OR9G1: variants seen among roughly 807,000 people sequenced by gnomAD.
The protein encoded by OR9G1 is olfactory receptor 9G1.
A neutral mutation model predicts 14.5 loss-of-function variants in OR9G1; 21 were observed. The ratio of observed to expected loss-of-function variants is 1.45; its 90% CI spans 1.03 to 2.09. OR9G1 has a LOEUF of 2.09. Among genes scored for constraint, OR9G1 ranks in the 30% most tolerant of loss-of-function variants. The probability of loss-of-function intolerance (pLI) is 0.00; values close to 1 mark genes in which losing one functional copy is unlikely to be tolerated. For synonymous variants in OR9G1, 179 were observed against 153.3 expected (o/e 1.17, Z -1.24); for missense variants, 476 against 364.2 (o/e 1.31, Z -2.50).
intron 1 of OR9G1, 89 bp from the exon 2 acceptor site, chr11:56,700,281 C>T (rs1028490964): frequency 1.3e-6 from 2 of 1,509,998 alleles, no homozygotes; most frequent in Non-Finnish European, 1.8e-6. Context: ...TTCTAGACTT[C>T]ACGAAACACT....
In OR9G1 at chr11:56,700,903, C is replaced by T. The variant is rs1276994075; in HGVS notation, c.516C>T (p.Ile172=). ...TFSFNFCREN[I]IDDFFCDLLP... ...CCTTTAACTTCTGCCGTGAAAACATCATTGATGACTTTTTCTGTGATTTGC... is the reference window on the plus strand; with the variant it reads ...CCTTTAACTTCTGCCGTGAAAACATTATTGATGACTTTTTCTGTGATTTGC... The change falls in exon 2 of 2, where the codon ATC becomes ATT. Residue 172 remains isoleucine, a synonymous_variant. Coordinates refer to ENST00000642097, the MANE Select transcript of OR9G1 (RefSeq NM_001005213.2). 6.2e-7 allele frequency: 1 copy of T among 1,614,150 alleles called. No homozygotes were observed. The highest frequency in any genetic ancestry group is 8.5e-7 in the Non-Finnish European group (1 of 1,180,022).
chr11:56,700,543 C>G lies in OR9G1; in HGVS notation c.156C>G (p.Ser52=). Residue 52 remains serine (S), a synonymous_variant, in exon 2 of 2, where the codon TCC becomes TCG. Transcript: ENST00000642097. Reference sequence around the variant, plus strand: ...TCATCGTGTTGATCTGTAATGACTCCTGCCTCCACACACCCATGTATTTTT... The same window carrying G: ...TCATCGTGTTGATCTGTAATGACTCGTGCCTCCACACACCCATGTATTTTT... ...STLIVLICND[S]CLHTPMYFFT... The G allele has an allele frequency of 1.2e-6, 2 of 1,614,312 alleles. No individual in the cohort carries two copies. Among genetic ancestry groups the G allele is most frequent in the Non-Finnish European group, 1.7e-6 (2 of 1,180,058 alleles).
Position 56,701,223 on chromosome 11 carries a change from T to G in OR9G1, c.836T>G (p.Val279Gly). Residue 279 changes from valine to glycine, a missense_variant, in exon 2 of 2, where the codon GTG becomes GGG. This residue lies in a region of OR9G1 where 352 missense variants were observed against 211.6 expected (regional missense o/e 1.66). Transcript: ENST00000642097. ...MDKIVSTFYT[V>G]VFPMLNLMIY... ...AAAATAGTTTCTACATTTTACACTG[T>G]GGTATTCCCCATGTTGAATCTCATG... The G allele has an allele frequency of 6.2e-7, 1 of 1,605,384 alleles. No homozygotes were observed. Among genetic ancestry groups the G allele is most frequent in the Non-Finnish European group, 8.5e-7 (1 of 1,175,274 alleles).
chr11:56,700,568 T>C lies in OR9G1; in HGVS notation c.181T>C (p.Phe61Leu). Residue 61 changes from phenylalanine to leucine, a missense_variant, in exon 2 of 2, where the codon TTC becomes CTC. This residue lies in a region of OR9G1 where 89 missense variants were observed against 85.1 expected (regional missense o/e 1.05). Coordinates refer to ENST00000642097, the MANE Select transcript of OR9G1 (RefSeq NM_001005213.2). Reference protein sequence around the residue: ...DSCLHTPMYFFTGNLSFLDLW... With the variant: ...DSCLHTPMYFLTGNLSFLDLW... The stretch of plus-strand genomic sequence containing the variant: ...CTGCCTCCACACACCCATGTATTTT[T>C]TCACTGGAAATCTGTCGTTTCTGGA... The C allele has an allele frequency of 6.2e-7, 1 of 1,614,240 alleles. No individual in the cohort carries two copies. The highest frequency in any genetic ancestry group is 8.5e-7 in the Non-Finnish European group (1 of 1,180,044).
chr11:56,701,036 T>C lies in OR9G1; in HGVS notation c.649T>C (p.Tyr217His). 2 of 1,614,284 alleles carry C rather than the reference T, an allele frequency of 1.2e-6. No individual in the cohort carries two copies. The highest frequency in any genetic ancestry group is 1.7e-6 in the Non-Finnish European group (2 of 1,180,026). The change falls in exon 2 of 2, where the codon TAC becomes CAC. Residue 217 changes from tyrosine to histidine, a missense_variant. By Grantham distance (83) the Tyr-to-His change is moderately conservative. Coordinates refer to ENST00000642097, the MANE Select transcript of OR9G1 (RefSeq NM_001005213.2). ...ICPAVLILAS[Y>H]LFIITSVLRI... ...CCCCGCAGTGCTCATCCTGGCCTCC[T>C]ACCTCTTTATCATCACCAGTGTCTT...
chr11:56,701,500 T>G lies in OR9G1; in HGVS notation c.*195T>G, dbSNP rs940688270. 14 of 809,450 alleles carry G rather than the reference T, an allele frequency of 1.7e-5. No homozygotes were observed. Among genetic ancestry groups the G allele is most frequent in the Non-Finnish European group, 2.5e-5 (14 of 552,304 alleles). 50.1% of individuals were successfully genotyped at this position (809,450 alleles called of 1,614,324 possible). A position where few individuals can be genotyped will look rare whatever the true frequency, so the allele number is the denominator to read the frequency against. On this transcript the variant is annotated 3_prime_UTR_variant, in exon 2 of 2. Transcript: ENST00000642097. ...GAATATATAAGAATTTGAATTGAAT[T>G]TCCTATCTCTCTTATTAAAAACAAA...
Position 56,700,879 on chromosome 11 carries a change from C to T in OR9G1, c.492C>T (p.Ser164=). Residue 164 remains serine, a synonymous_variant, in exon 2 of 2, where the codon TCC becomes TCT. Coordinates refer to ENST00000642097, the MANE Select transcript of OR9G1 (RefSeq NM_001005213.2). ...CAATCATCACCAAGAAAACGTTTTC[C>T]TTTAACTTCTGCCGTGAAAACATCA... is the stretch of plus-strand genomic sequence containing the variant. ...NSSIITKKTF[S]FNFCRENIID... The T allele has an allele frequency of 3.1e-6, 5 of 1,614,262 alleles. No homozygotes were observed. The South Asian group carries it at 4.4e-5, about 14-fold the overall frequency.
rs1181807544 is a variant in OR9G1 at position 56,700,859 on chromosome 11, A to G, written c.472A>G (p.Ile158Val). 10 of 1,614,128 alleles carry G rather than the reference A, an allele frequency of 6.2e-6. No homozygotes were observed. Among genetic ancestry groups the G allele is most frequent in the Non-Finnish European group, 8.5e-6 (10 of 1,180,004 alleles). Residue 158 changes from isoleucine to valine, a missense_variant, in exon 2 of 2, where the codon ATC (isoleucine) becomes GTC (valine). By Grantham distance (29) the Ile-to-Val change is conservative (BLOSUM62 3). This residue lies in a region of OR9G1 where 352 missense variants were observed against 211.6 expected (regional missense o/e 1.66). Transcript: ENST00000642097. Reference sequence around the variant, plus strand: ...TGGTGGCTTTATTAACTCTTCAATCATCACCAAGAAAACGTTTTCCTTTAA... The same window carrying G: ...TGGTGGCTTTATTAACTCTTCAATCGTCACCAAGAAAACGTTTTCCTTTAA... The part of the protein sequence containing the change: ...YCGGFINSSI[I>V]TKKTFSFNFC...
Position 56,700,949 on chromosome 11 carries a change from T to C in OR9G1, c.562T>C (p.Cys188Arg), listed in dbSNP as rs756049217. ...CDLLPLVELA[C>R]GEKGGYKIMM... ...TTTGCTTCCCTTGGTGGAGCTGGCC[T>C]GTGGCGAGAAGGGCGGCTATAAAAT... The change falls in exon 2 of 2, where the codon TGT becomes CGT. Residue 188 changes from cysteine (C) to arginine (R), a missense_variant. Around this residue, in one of 3 missense-constraint regions of OR9G1, gnomAD observed 352 missense variants for 211.6 expected, o/e 1.66. Coordinates refer to ENST00000642097, the MANE Select transcript of OR9G1 (RefSeq NM_001005213.2). The C allele has an allele frequency of 6.2e-7, 1 of 1,614,256 alleles. No individual in the cohort carries two copies. Among genetic ancestry groups the C allele is most frequent in the Non-Finnish European group, 8.5e-7 (1 of 1,180,004 alleles).
In OR9G1 at chr11:56,700,699, A is replaced by C; in HGVS notation, c.312A>C (p.Ala104=). Reference sequence around the variant, plus strand: ...GCCTGTGTCAGTTCTTCTTCTCTGCAGGGCTGGCCTATAGTGAGTGCTACC... The same window carrying C: ...GCCTGTGTCAGTTCTTCTTCTCTGCCGGGCTGGCCTATAGTGAGTGCTACC... The part of the protein sequence containing the change: ...AGCLCQFFFS[A]GLAYSECYLL... Residue 104 remains alanine, a synonymous_variant, in exon 2 of 2, where the codon GCA becomes GCC. Coordinates refer to ENST00000642097, the MANE Select transcript of OR9G1 (RefSeq NM_001005213.2). The C allele has an allele frequency of 6.2e-7, 1 of 1,614,300 alleles. No individual in the cohort carries two copies. The highest frequency in any genetic ancestry group is 1.7e-5 in the Admixed American group (1 of 60,038).
In OR9G1 at chr11:56,700,937, G is replaced by A. The variant is rs1189095818; in HGVS notation, c.550G>A (p.Val184Met). 2 of 1,614,258 alleles carry A rather than the reference G, an allele frequency of 1.2e-6. No homozygotes were observed. The highest frequency in any genetic ancestry group is 2.2e-5 in the East Asian group (1 of 44,894). Residue 184 changes from valine (V) to methionine (M), a missense_variant, in exon 2 of 2, where the codon GTG becomes ATG. Coordinates refer to ENST00000642097, the MANE Select transcript of OR9G1 (RefSeq NM_001005213.2). ...DDFFCDLLPL[V>M]ELACGEKGGY... Reference sequence around the variant, plus strand: ...CTTTTTCTGTGATTTGCTTCCCTTGGTGGAGCTGGCCTGTGGCGAGAAGGG... The same window carrying A: ...CTTTTTCTGTGATTTGCTTCCCTTGATGGAGCTGGCCTGTGGCGAGAAGGG...
chr11:56,701,293 A>G lies in OR9G1; in HGVS notation c.906A>G (p.Lys302=), dbSNP rs755375460. 1.6e-5 allele frequency: 25 copies of G among 1,604,130 alleles called. No individual in the cohort carries two copies. In the East Asian group the frequency reaches 4.7e-4, roughly 30 times the overall value. Residue 302 remains lysine, a synonymous_variant, in exon 2 of 2, where the codon AAA becomes AAG. Coordinates refer to ENST00000642097, the MANE Select transcript of OR9G1 (RefSeq NM_001005213.2). ...RNKDVKEALK[K]LLP Reference sequence around the variant, plus strand: ...AGGATGTGAAAGAGGCTCTGAAAAAACTTCTCCCATAAATCAAGATTATCT... The same window carrying G: ...AGGATGTGAAAGAGGCTCTGAAAAAGCTTCTCCCATAAATCAAGATTATCT...
Position 56,701,334 on chromosome 11 carries a change from CAA to C in OR9G1, c.*31_*32del, listed in dbSNP as rs747580433. The C allele has an allele frequency of 2.6e-6, 4 of 1,566,070 alleles. No homozygotes were observed. In the South Asian group the frequency reaches 4.9e-5, roughly 19 times the overall value. ...AAGATTATCTCCACCAGAGGAGAAA[CAA>C]AGACGACCTTAGATGGAGTGTTGTG... On this transcript the variant is annotated 3_prime_UTR_variant, in exon 2 of 2. Transcript: ENST00000642097.
intron 1 of OR9G1, 64 bp from the exon 2 acceptor site, chr11:56,700,306 A>G (rs955114911): frequency 1.3e-6 from 2 of 1,560,650 alleles, no homozygotes; most frequent in Non-Finnish European, 1.7e-6. Context: ...ATGTGATCTT[A>G]TGTAACATAA....
chr11:56,700,061 A>G (rs1857583606), intron 1 of OR9G1, among the ~76,000 whole-genome samples: 2 of 152,418 alleles, frequency 1.3e-5, no homozygotes, highest in South Asian at 4.1e-4. Flanking sequence ...AGAAATGTAC[A>G]CATTTAGCAA....
Position 56,700,913 on chromosome 11 carries a change from T to C in OR9G1, c.526T>C (p.Phe176Leu). Residue 176 changes from phenylalanine to leucine, a missense_variant, in exon 2 of 2, where the codon TTT becomes CTT. By Grantham distance (22) the Phe-to-Leu change is conservative (BLOSUM62 0). Transcript: ENST00000642097. ...NFCRENIIDD[F>L]FCDLLPLVEL... The stretch of plus-strand genomic sequence containing the variant: ...CTGCCGTGAAAACATCATTGATGAC[T>C]TTTTCTGTGATTTGCTTCCCTTGGT... 1 of 1,614,268 alleles carries C rather than the reference T, an allele frequency of 6.2e-7. No homozygotes were observed. The highest frequency in any genetic ancestry group is 8.5e-7 in the Non-Finnish European group (1 of 1,180,018).
rs201893648 is a variant in OR9G1 at position 56,701,120 on chromosome 11, A to G, written c.733A>G (p.Thr245Ala). ...KAFSTCSSHL[T>A]SVTLYYGSIL... ...CTTCTCCACATGCTCCTCCCACCTG[A>G]CCTCTGTCACTTTATACTATGGCTC... Residue 245 changes from threonine (T) to alanine (A), a missense_variant, in exon 2 of 2, where the codon ACC (threonine) becomes GCC (alanine). Coordinates refer to ENST00000642097, the MANE Select transcript of OR9G1 (RefSeq NM_001005213.2). 1.2e-5 allele frequency: 19 copies of G among 1,614,308 alleles called. No homozygotes were observed. The highest frequency in any genetic ancestry group is 1.6e-5 in the Non-Finnish European group (19 of 1,180,050).
chr11:56,701,606 A>T lies in OR9G1; in HGVS notation c.*301A>T. On this transcript the variant is annotated 3_prime_UTR_variant, in exon 2 of 2. Transcript: ENST00000642097. ...ACCTCATTAGCCTAAGATTTGGCTAACTGATACATATAGAAGAGTATCTAT... is the reference window on the plus strand; with the variant it reads ...ACCTCATTAGCCTAAGATTTGGCTATCTGATACATATAGAAGAGTATCTAT... 2.5e-6 allele frequency: 1 copy of T among 399,306 alleles called. No individual in the cohort carries two copies. The allele number at this position is 399,306 out of a possible 1,614,324, so 24.7% of individuals were successfully genotyped here.
chr11:56,701,413 A>C lies in OR9G1; in HGVS notation c.*108A>C. The stretch of plus-strand genomic sequence containing the variant: ...TTTATCGTGATCAGTCCCCTTCTTG[A>C]CACGTGAGAGTTACAGACATGTACA... On this transcript the variant is annotated 3_prime_UTR_variant, in exon 2 of 2. Transcript: ENST00000642097. 1 of 1,432,626 alleles carries C rather than the reference A, an allele frequency of 7.0e-7. No homozygotes were observed. The highest frequency in any genetic ancestry group is 9.2e-7 in the Non-Finnish European group (1 of 1,082,890). The allele number at this position is 1,432,626 out of a possible 1,614,324, so 88.7% of individuals were successfully genotyped here. A position where few individuals can be genotyped will look rare whatever the true frequency, so the allele number is the denominator to read the frequency against.
Sources: gnomAD v4.1 joint callset for allele counts (sites outside exome capture counted in the v4.1 genomes callset) on GRCh38, gnomAD v4.1.1 for gene constraint, gnomAD v4.1.1 regional missense constraint, MANE v1.5 for transcripts, NCBI Gene and HGNC (gene_info 2026-07-23, HGNC 2026-07-21) for gene names.